The following SPATS2 variants were observed in gnomAD, a reference collection of about 807,000 sequenced individuals.
SPATS2 encodes spermatogenesis associated serine rich 2, also known as spermatogenesis-associated serine-rich protein 2.
SPATS2 carries 38 observed loss-of-function variants against 63.7 expected under a neutral mutation model. That is an observed-to-expected ratio of 0.60 (90% CI 0.46 to 0.78). The LOEUF is 0.78. SPATS2 is among the 30% of genes least tolerant of loss of function. The pLI is 0.00. For missense variants in SPATS2, 588 were observed against 666.2 expected, an observed-to-expected ratio of 0.88 and a Z score of 1.29; for synonymous variants, 207 against 232.9, an observed-to-expected ratio of 0.89 and a Z score of 1.01.
rs746591254 is a variant in SPATS2 at position 49,494,942 on chromosome 12, A to G, written c.466A>G (p.Ile156Val). ...SLSEGLETLS[I>V]DARELEDPES... ...CAGTGAAGGTTTGGAGACACTTTCA[A>G]TAGATGCCAGAGAATTGGAGGATCC... Residue 156 changes from isoleucine (I) to valine (V), a missense_variant, in exon 7 of 14, where the codon ATA (isoleucine) becomes GTA (valine). By Grantham distance (29) the Ile-to-Val change is conservative. Transcript: ENST00000552918. 15 of 1,614,044 alleles carry G rather than the reference A, an allele frequency of 9.3e-6. No homozygotes were observed. In the Middle Eastern group the frequency reaches 4.9e-4, roughly 53 times the overall value.
intron 9 of SPATS2, among the ~76,000 whole-genome samples, chr12:49,514,185 A>G (rs927815670): frequency 8.6e-5 from 13 of 151,862 alleles, no homozygotes; most frequent in African/African-American, 2.9e-4. Flanking sequence ...GTGAGTACAT[A>G]CATGGTTAAG....
chr12:49,520,235 C>T (rs1946917770), intron 11 of SPATS2, among the ~76,000 whole-genome samples: 1 of 152,174 alleles, frequency 6.6e-6, no homozygotes, highest in Non-Finnish European at 1.5e-5. Flanking sequence ...CTGCCTCAGC[C>T]TCCCAAAGTG....
intron 9 of SPATS2, among the ~76,000 whole-genome samples, chr12:49,507,739 A>G (rs1946677438): frequency 1.3e-5 from 2 of 152,194 alleles, no homozygotes; most frequent in Admixed American, 1.3e-4. Context: ...AGTTTGATTC[A>G]TCACTTCATA....
intron 9 of SPATS2, among the ~76,000 whole-genome samples, chr12:49,513,777 A>G (rs1592475332): frequency 6.6e-6 from 1 of 152,342 alleles, no homozygotes; most frequent in Non-Finnish European, 1.5e-5. Flanking sequence ...GGATAAATTT[A>G]CTATGCCCTA....
In SPATS2 at chr12:49,527,288, C is replaced by G. The variant is rs967294416; in HGVS notation, c.*1033C>G. ...TTGGAGACTTTTTTTTTTGTTCTCT[C>G]CCTTTCCTGAACCCTATTCTGATCC... On this transcript the variant is annotated 3_prime_UTR_variant, in exon 14 of 14. Transcript: ENST00000552918. 16 of 150,190 alleles carry G rather than the reference C, an allele frequency of 1.1e-4. No homozygotes were observed. The highest frequency in any genetic ancestry group is 8.6e-4 in the Admixed American group (13 of 15,160). 9.3% of individuals were successfully genotyped at this position (150,190 alleles called of 1,614,324 possible).
intron 12 of SPATS2, 129 bp downstream of exon 12, chr12:49,522,982 A>G: frequency 1.4e-6 from 1 of 718,142 alleles, no homozygotes. Flanking sequence ...AACTAACTCT[A>G]GGATGCTTAT....
intron 2 of SPATS2, among the ~76,000 whole-genome samples, chr12:49,404,289 ATT>A (rs776854381): frequency 8.0e-6 from 1 of 124,592 alleles, no homozygotes. Context: ...TTTTTTTTTC[ATT>A]TTTTTTTTTT....
chr12:49,447,052 C>G (rs914425533), intron 2 of SPATS2, among the ~76,000 whole-genome samples: 1 of 151,752 alleles, frequency 6.6e-6, no homozygotes, highest in African/African-American at 2.4e-5. Context: ...CTTCAGCCTC[C>G]CAAGTAGCTA....
chr12:49,436,504 G>C (rs1035801978), intron 2 of SPATS2, among the ~76,000 whole-genome samples: 2 of 138,958 alleles, frequency 1.4e-5, no homozygotes, highest in African/African-American at 5.5e-5. Context: ...CTCCCGGACG[G>C]GGCGGCTGGC....
intron 2 of SPATS2, among the ~76,000 whole-genome samples, chr12:49,446,690 T>A (rs1015845760): frequency 1.3e-5 from 2 of 152,222 alleles, no homozygotes; most frequent in Non-Finnish European, 2.9e-5. Flanking sequence ...CCAGAGAAAT[T>A]TCTCCCGTCT....
At chr12:49,495,657 C>G (rs1213894221) in intron 7 of SPATS2, among the ~76,000 whole-genome samples, 1 of 152,032 alleles carries the variant, frequency 6.6e-6, no homozygotes, top group Non-Finnish European at 1.5e-5. Context: ...TCTAATTTTT[C>G]CACTCATGCA....
chr12:49,451,498 A>G (rs1169010793), intron 2 of SPATS2, among the ~76,000 whole-genome samples: 1 of 152,208 alleles, frequency 6.6e-6, no homozygotes, highest in African/African-American at 2.4e-5. Context: ...ATTACATAAA[A>G]CAGTAATAAT....
intron 6 of SPATS2, among the ~76,000 whole-genome samples, chr12:49,492,236 T>G (rs527645817): frequency 1.3e-5 from 2 of 152,026 alleles, no homozygotes; most frequent in Non-Finnish European, 2.9e-5. Flanking sequence ...TTTTTTCTTT[T>G]TGAGATGGAG....
chr12:49,480,472 A>C (rs1322679140), intron 3 of SPATS2, among the ~76,000 whole-genome samples: 1 of 152,030 alleles, frequency 6.6e-6, no homozygotes, highest in Non-Finnish European at 1.5e-5. Context: ...TGAGATGATT[A>C]TTCTTTTTTT....
At chr12:49,467,253 G>A (rs1408940184) in intron 3 of SPATS2, among the ~76,000 whole-genome samples, 9 of 145,082 alleles carry the variant, frequency 6.2e-5, no homozygotes, top group Admixed American at 5.8e-4. Flanking sequence ...TAGTAGAGAC[G>A]GGGTTTCACC....
At chr12:49,389,541 T>G in intron 2 of SPATS2, 1 of 973,078 alleles carries the variant, frequency 1.0e-6, no homozygotes, top group Non-Finnish European at 1.7e-6. Context: ...GAGAAGGCAC[T>G]TGCTGATGCT....
rs183985028 is a variant in SPATS2, at chr12:49,376,915, A to T, written c.-244+5625A>T. On this transcript the variant is annotated intron_variant, in intron 2 of 13. Transcript: ENST00000552918. Reference sequence around the variant, plus strand: ...TGTATTTTCAGTAGAGACAGGTTTCACCATCTTGGCCAGTTTGGTCTTGAA... The same window carrying T: ...TGTATTTTCAGTAGAGACAGGTTTCTCCATCTTGGCCAGTTTGGTCTTGAA... 2.8e-4 allele frequency among the ~76,000 whole-genome samples: 43 copies of T among 151,770 alleles called. No homozygotes were observed. The East Asian group carries it at 8.0e-3, about 28-fold the overall frequency.
chr12:49,400,031 G>A (rs779346751), intron 2 of SPATS2, among the ~76,000 whole-genome samples: 4 of 152,054 alleles, frequency 2.6e-5, no homozygotes, highest in African/African-American at 4.8e-5. Flanking sequence ...GCGAGACTCC[G>A]TCTCAAAAAA....
intron 2 of SPATS2, among the ~76,000 whole-genome samples, chr12:49,395,995 TATC>T (rs1222350231): frequency 6.6e-6 from 1 of 152,236 alleles, no homozygotes; most frequent in Non-Finnish European, 1.5e-5. Flanking sequence ...ATATAAGTGG[TATC>T]ATGCATTATT....
Sources: gnomAD v4.1 joint callset for allele counts (sites outside exome capture counted in the v4.1 genomes callset) on GRCh38, gnomAD v4.1.1 for gene constraint, MANE v1.5 for transcripts, NCBI Gene and HGNC (gene_info 2026-07-23, HGNC 2026-07-21) for gene names.